Variants in DNAH14 observed in about 807,000 individuals in gnomAD.
DNAH14 encodes dynein axonemal heavy chain 14.
A neutral mutation model predicts 520.9 loss-of-function variants in DNAH14; 478 were observed. The ratio of observed to expected loss-of-function variants is 0.92; its 90% CI spans 0.85 to 0.99. DNAH14 has a LOEUF of 0.99. Ranked by LOEUF, DNAH14 falls within the 50% of genes least tolerant of loss-of-function variation. The pLI, the probability that DNAH14 is intolerant of heterozygous loss-of-function variation, is 0.00. For synonymous variants in DNAH14, 1,581 were observed against 1,757.2 expected (o/e 0.90, Z 2.51); for missense variants, 4,831 against 5,234.5 (o/e 0.92, Z 2.38).
chr1:225,159,526 T>C (rs755551884), intron 35 of DNAH14, 41 bp downstream of exon 35: 1 of 1,451,372 alleles, frequency 6.9e-7, no homozygotes. Flanking sequence ...TATTTGGATG[T>C]GGAATATCAA....
intron 66 of DNAH14, among the ~76,000 whole-genome samples, chr1:225,333,717 A>G (rs139221087): frequency 6.6e-6 from 1 of 152,264 alleles, no homozygotes; most frequent in East Asian, 1.9e-4. Context: ...TACTGAGCAA[A>G]AGTCACAAAA....
In DNAH14 at chr1:225,270,873, C is replaced by T; in HGVS notation, c.7671+7C>T. 3.9e-6 allele frequency: 6 copies of T among 1,546,970 alleles called. No individual in the cohort carries two copies. The highest frequency in any genetic ancestry group is 5.2e-6 in the Non-Finnish European group (6 of 1,144,928). Reference sequence around the variant, plus strand: ...CTTATGTACTATTTTCCAGGTAACACATCTAGTTCATTTTCTACTGAAAAA... The same window carrying T: ...CTTATGTACTATTTTCCAGGTAACATATCTAGTTCATTTTCTACTGAAAAA... On this transcript the variant is annotated splice_region_variant and intron_variant, in intron 50 of 85. Transcript: ENST00000682510.
intron 36 of DNAH14, among the ~76,000 whole-genome samples, chr1:225,170,478 G>A (rs2082507907): frequency 6.6e-6 from 1 of 152,114 alleles, no homozygotes; most frequent in South Asian, 2.1e-4. Context: ...CCTAGTCTCT[G>A]ATAAAACAGA....
intron 10 of DNAH14, among the ~76,000 whole-genome samples, chr1:225,015,955 T>C (rs749024777): frequency 1.3e-5 from 2 of 152,190 alleles, no homozygotes; most frequent in Non-Finnish European, 2.9e-5. Flanking sequence ...AGAGGTCTCA[T>C]GTAGCTTTGG....
At chr1:225,064,980 G>A (rs2070678568) in intron 17 of DNAH14, among the ~76,000 whole-genome samples, 1 of 151,994 alleles carries the variant, frequency 6.6e-6, no homozygotes, top group South Asian at 2.1e-4. Flanking sequence ...AGGTATTAAT[G>A]TAGATACCCT....
intron 41 of DNAH14, among the ~76,000 whole-genome samples, chr1:225,227,501 T>C (rs192972464): frequency 6.6e-5 from 10 of 152,214 alleles, no homozygotes; most frequent in African/African-American, 2.2e-4. Flanking sequence ...CAGAAAAATT[T>C]TTCTTAGTAC....
At chr1:225,397,974 G>A (rs1267219398) in intron 84 of DNAH14, 1 of 150,700 alleles carries the variant, frequency 6.6e-6, no homozygotes, top group Admixed American at 6.6e-5. Context: ...TGGAACCCAG[G>A]CGGTGGAGGT....
At chr1:225,066,680 T>C (rs2070926738) in intron 17 of DNAH14, among the ~76,000 whole-genome samples, 1 of 152,094 alleles carries the variant, frequency 6.6e-6, no homozygotes, top group East Asian at 1.9e-4. Flanking sequence ...TCCCAAAGTT[T>C]ATTATATTGT....
chr1:225,264,824 A>T (rs534729767), intron 47 of DNAH14, among the ~76,000 whole-genome samples: 117 of 152,270 alleles, frequency 7.7e-4, no homozygotes, highest in African/African-American at 2.7e-3. Context: ...TTCACTTTTA[A>T]GTTGCTGTAG....
intron 15 of DNAH14, among the ~76,000 whole-genome samples, chr1:225,049,190 C>T (rs2068261118): frequency 6.6e-6 from 1 of 150,428 alleles, no homozygotes; most frequent in South Asian, 2.1e-4. Flanking sequence ...TCCTGAGTAG[C>T]TGGGATTACA....
intron 1 of DNAH14, 74 bp from the exon 2 acceptor site, chr1:224,952,596 C>A: frequency 1.3e-6 from 1 of 784,572 alleles, no homozygotes; most frequent in Non-Finnish European, 1.9e-6. Context: ...CTATATATGC[C>A]ATTTTGAATA....
chr1:225,155,983 C>T (rs889474274), intron 34 of DNAH14, among the ~76,000 whole-genome samples: 12 of 152,252 alleles, frequency 7.9e-5, no homozygotes, highest in African/African-American at 2.9e-4. Context: ...CTTTGACCTT[C>T]GTGACACCAA....
intron 64 of DNAH14, among the ~76,000 whole-genome samples, chr1:225,330,083 A>C (rs1166178873): frequency 6.6e-6 from 1 of 152,212 alleles, no homozygotes; most frequent in Non-Finnish European, 1.5e-5. Context: ...AGACAAATGC[A>C]AATAAAAACT....
At position 225,198,923 on chromosome 1, in the gene DNAH14, ATTC is replaced by A. The variant is rs1368904862; in HGVS notation, c.5887-5254_5887-5252del. ...AGGGTAATAAGATAGATTGCTACCA[ATTC>A]TTCTTTGAACGTCTGGTAGAATTCT... On this transcript the variant is annotated intron_variant, in intron 38 of 85. Transcript: ENST00000682510. Among the ~76,000 whole-genome samples, 4 of 152,250 alleles carry A rather than the reference ATTC, an allele frequency of 2.6e-5. No individual in the cohort carries two copies. In the South Asian group the frequency reaches 6.2e-4, roughly 24 times the overall value.
chr1:225,242,591 T>G (rs2092029533), intron 43 of DNAH14, among the ~76,000 whole-genome samples: 1 of 152,300 alleles, frequency 6.6e-6, no homozygotes, highest in East Asian at 1.9e-4. Context: ...CAACAATGCC[T>G]TCTTCTGGAA....
chr1:225,272,924 TAAAAAAACG>T, intron 51 of DNAH14, 22 bp from the exon 52 acceptor site: 1 of 1,489,188 alleles, frequency 6.7e-7, no homozygotes, highest in Admixed American at 2.7e-5. Context: ...TAATTTTTTT[TAAAAAAACG>T]TTATTTTTAA....
intron 36 of DNAH14, among the ~76,000 whole-genome samples, chr1:225,173,520 C>T (rs1321276776): frequency 6.6e-6 from 1 of 152,174 alleles, no homozygotes; most frequent in East Asian, 1.9e-4. Context: ...TGCTCATCAT[C>T]ACTGGCCATC....
At chr1:225,290,691 A>G (rs1199184166) in intron 55 of DNAH14, among the ~76,000 whole-genome samples, 2 of 109,528 alleles carry the variant, frequency 1.8e-5, no homozygotes, top group Non-Finnish European at 2.0e-5. Flanking sequence ...ATATATATAT[A>G]TATTTCCTCC....
chr1:225,331,286 C>T (rs887371358), intron 64 of DNAH14, 151 bp from the exon 65 acceptor site: 2 of 684,074 alleles, frequency 2.9e-6, no homozygotes, highest in East Asian at 6.0e-5. Flanking sequence ...TCTACAATGT[C>T]CATTTTCATT....
Sources: allele counts gnomAD v4.1 joint callset (sites outside exome capture counted in the v4.1 genomes callset), GRCh38; gene constraint gnomAD v4.1.1; transcripts MANE v1.5; gene names NCBI Gene and HGNC (gene_info 2026-07-23, HGNC 2026-07-21).